The following TSHR variants were observed in gnomAD, a reference collection of about 807,000 sequenced individuals.
The protein encoded by TSHR is thyroid stimulating hormone receptor.
In TSHR, 51 loss-of-function variants were observed where a neutral mutation model predicts 64.1. That is an observed-to-expected ratio of 0.80 (90% CI 0.64 to 1.01). The LOEUF (loss-of-function observed/expected upper bound fraction) is 1.01. Ranked by LOEUF, TSHR falls within the 50% of genes least tolerant of loss-of-function variation. The probability of loss-of-function intolerance (pLI) is 0.00; values close to 1 mark genes in which losing one functional copy is unlikely to be tolerated. For missense variants in TSHR, 877 were observed against 942.8 expected (o/e 0.93, Z 0.91); for synonymous variants, 361 against 361.9 (o/e 1.00, Z 0.03).
At chr14:80,998,910 CATGACTAAGGAA>C in intron 1 of TSHR, among the ~76,000 whole-genome samples, 1 of 152,300 alleles carries the variant, frequency 6.6e-6, no homozygotes, top group East Asian at 1.9e-4. Context: ...AGTACATCTC[CATGACTAAGGAA>C]ATGGGCTGTC....
intron 3 of TSHR, among the ~76,000 whole-genome samples, chr14:81,075,165 A>G (rs1887406546): frequency 6.6e-6 from 1 of 152,216 alleles, no homozygotes; most frequent in Non-Finnish European, 1.5e-5. Flanking sequence ...GTGTTCAAAT[A>G]AGGCAAAAGC....
At chr14:80,979,846 T>C (rs915894103) in intron 1 of TSHR, among the ~76,000 whole-genome samples, 3 of 152,236 alleles carry the variant, frequency 2.0e-5, no homozygotes, top group Non-Finnish European at 4.4e-5. Context: ...CTAACATTTT[T>C]TTCCACCTGA....
intron 8 of TSHR, among the ~76,000 whole-genome samples, chr14:81,109,680 A>G (rs917491449): frequency 6.6e-6 from 1 of 152,170 alleles, no homozygotes; most frequent in Non-Finnish European, 1.5e-5. Context: ...TTCACCTTTA[A>G]CAATGTTATT....
At chr14:81,083,829 A>G (rs1394744701) in intron 3 of TSHR, among the ~76,000 whole-genome samples, 1 of 152,196 alleles carries the variant, frequency 6.6e-6, no homozygotes, top group Non-Finnish European at 1.5e-5. Context: ...GGCCTCAGGA[A>G]ACTTACAATA....
chr14:80,962,809 C>T (rs143475962), intron 1 of TSHR, among the ~76,000 whole-genome samples: 3 of 152,218 alleles, frequency 2.0e-5, no homozygotes, highest in Non-Finnish European at 2.9e-5. Context: ...ATTTACAATC[C>T]GTAGACAAAA....
chr14:81,133,001 C>A (rs1891313263), intron 8 of TSHR, among the ~76,000 whole-genome samples: 1 of 152,156 alleles, frequency 6.6e-6, no homozygotes. Context: ...TGATTCCTGA[C>A]TTGTTGAGTT....
intron 3 of TSHR, among the ~76,000 whole-genome samples, chr14:81,083,643 C>T (rs1888069852): frequency 6.6e-6 from 1 of 152,062 alleles, no homozygotes; most frequent in Non-Finnish European, 1.5e-5. Context: ...TATGTTGCTC[C>T]CTCACTAGGA....
intron 1 of TSHR, among the ~76,000 whole-genome samples, chr14:80,996,515 A>T (rs1026915289): frequency 2.0e-5 from 3 of 152,174 alleles, no homozygotes; most frequent in Non-Finnish European, 4.4e-5. Flanking sequence ...GCACAAAGAG[A>T]CACACTGGTT....
chr14:80,978,735 G>A (rs907631063), intron 1 of TSHR, among the ~76,000 whole-genome samples: 2 of 152,192 alleles, frequency 1.3e-5, no homozygotes, highest in African/African-American at 4.8e-5. Context: ...CCTGGAGGGA[G>A]ATCTGAGTGG....
intron 1 of TSHR, among the ~76,000 whole-genome samples, chr14:81,042,509 G>A (rs1367191871): frequency 2.0e-5 from 3 of 152,160 alleles, no homozygotes; most frequent in Non-Finnish European, 2.9e-5. Flanking sequence ...TCTAGAGGAT[G>A]TGATGTTAAG....
At chr14:81,045,019 T>A (rs1200112716) in intron 1 of TSHR, among the ~76,000 whole-genome samples, 1 of 152,124 alleles carries the variant, frequency 6.6e-6, no homozygotes, top group African/African-American at 2.4e-5. Flanking sequence ...AATGACAGAC[T>A]GAATAAAGAA....
intron 4 of TSHR, 26 bp from the exon 5 acceptor site, chr14:81,091,043 T>C (rs769257129): frequency 6.9e-6 from 11 of 1,589,974 alleles, no homozygotes; most frequent in Middle Eastern, 1.7e-4. Context: ...TCTATGCTTT[T>C]TTTTCTCTTT....
chr14:80,981,696 A>G (rs1406700473), intron 1 of TSHR, among the ~76,000 whole-genome samples: 1 of 152,162 alleles, frequency 6.6e-6, no homozygotes, highest in African/African-American at 2.4e-5. Flanking sequence ...TCCAAGGTCC[A>G]TCACCGCTGG....
intron 1 of TSHR, among the ~76,000 whole-genome samples, chr14:81,049,072 CA>C (rs1212388959): frequency 2.0e-5 from 3 of 151,970 alleles, no homozygotes; most frequent in Non-Finnish European, 1.5e-5. Flanking sequence ...TTGTAGTTTC[CA>C]AGAACCTAAC....
chr14:81,060,515 T>C (rs1437669154), intron 1 of TSHR, among the ~76,000 whole-genome samples: 1 of 152,136 alleles, frequency 6.6e-6, no homozygotes, highest in Admixed American at 6.6e-5. Context: ...ATTTACTCTT[T>C]TGACATTCAC....
In TSHR at chr14:81,145,039, T is replaced by C. The variant is rs552838339; in HGVS notation, c.*686T>C. 5 of 233,366 alleles carry C rather than the reference T, an allele frequency of 2.1e-5. No homozygotes were observed. The South Asian group carries it at 5.4e-4, about 25-fold the overall frequency. The allele number at this position is 233,366 out of a possible 1,614,324, so 14.5% of individuals were successfully genotyped here. A position where few individuals can be genotyped will look rare whatever the true frequency, so the allele number is the denominator to read the frequency against. ...GAAAAACTGGCAAGATTTCAGCTTA[T>C]GTGGCCTAGCAAACTAAGAATTGCT... On this transcript the variant is annotated 3_prime_UTR_variant, in exon 10 of 10. Transcript: ENST00000298171.
intron 1 of TSHR, among the ~76,000 whole-genome samples, chr14:80,990,628 A>G (rs1465226309): frequency 2.6e-5 from 4 of 151,988 alleles, no homozygotes; most frequent in Non-Finnish European, 5.9e-5. Context: ...AAAACTGGTG[A>G]TGGCTTTCTT....
chr14:81,097,956 G>A (rs184565624), intron 7 of TSHR, among the ~76,000 whole-genome samples: 153 of 147,958 alleles, frequency 1.0e-3, no homozygotes, highest in Non-Finnish European at 1.9e-3. Flanking sequence ...AGACTCTATC[G>A]AGTAAGGTGA....
intron 1 of TSHR, among the ~76,000 whole-genome samples, chr14:80,960,723 T>A (rs1477374200): frequency 2.6e-5 from 4 of 152,202 alleles, no homozygotes; most frequent in Non-Finnish European, 4.4e-5. Context: ...AAACCAACTC[T>A]GTTTAGGTTA....
Sources: allele counts gnomAD v4.1 joint callset (sites outside exome capture counted in the v4.1 genomes callset), GRCh38; gene constraint gnomAD v4.1.1; transcripts MANE v1.5; gene names NCBI Gene and HGNC (gene_info 2026-07-23, HGNC 2026-07-21).